The following ARK2C variants were observed in gnomAD, a reference collection of about 807,000 sequenced individuals.
ARK2C encodes the protein E3 ubiquitin-protein ligase ARK2C.
chr18:46,348,714 T>G, the ARK2C span, among the ~76,000 whole-genome samples: 1 of 152,170 alleles, frequency 6.6e-6, no homozygotes, highest in African/African-American at 2.4e-5. Flanking sequence ...AAAAGTTGTT[T>G]CTGCAGAAAG....
At chr18:46,420,640 T>C in the ARK2C span, among the ~76,000 whole-genome samples, 1 of 151,910 alleles carries the variant, frequency 6.6e-6, no homozygotes, top group Non-Finnish European at 1.5e-5. Context: ...AGTTCAGGAG[T>C]TCGAGACCAG....
At chr18:46,433,249 G>A in the ARK2C span, 1 of 1,607,832 alleles carries the variant, frequency 6.2e-7, no homozygotes. Context: ...CTTCCACCTG[G>A]GCCCCCCGCA....
the ARK2C span, among the ~76,000 whole-genome samples, chr18:46,414,871 T>C: frequency 7.2e-3 from 1,097 of 152,334 alleles, 6 homozygotes; most frequent in Non-Finnish European, 9.2e-3. Context: ...ATTTTCATTT[T>C]GTGTCATCAC....
chr18:46,347,547 C>G, the ARK2C span, among the ~76,000 whole-genome samples: 8 of 152,146 alleles, frequency 5.3e-5, no homozygotes, highest in Non-Finnish European at 8.8e-5. Context: ...ACTGGTTCTG[C>G]TCTTTGCAGA....
chr18:46,380,996 G>T, the ARK2C span, among the ~76,000 whole-genome samples: 2 of 152,198 alleles, frequency 1.3e-5, no homozygotes, highest in Non-Finnish European at 2.9e-5. Context: ...TTTGACTCCA[G>T]AGTAGGAACG....
At chr18:46,415,901 T>C in the ARK2C span, among the ~76,000 whole-genome samples, 1 of 151,744 alleles carries the variant, frequency 6.6e-6, no homozygotes, top group South Asian at 2.1e-4. Flanking sequence ...GAGTGCCAGG[T>C]GGGAGGAGAG....
the ARK2C span, among the ~76,000 whole-genome samples, chr18:46,414,119 A>C: frequency 6.6e-6 from 1 of 152,180 alleles, no homozygotes; most frequent in Admixed American, 6.5e-5. Context: ...TAGAGATGGC[A>C]ATATCGTTAT....
At chr18:46,389,741 T>G in the ARK2C span, among the ~76,000 whole-genome samples, 2 of 151,982 alleles carry the variant, frequency 1.3e-5, no homozygotes, top group South Asian at 4.2e-4. Context: ...TTTCCTTTTT[T>G]TTTTTCAGAC....
At chr18:46,379,369 G>T in the ARK2C span, among the ~76,000 whole-genome samples, 1 of 152,112 alleles carries the variant, frequency 6.6e-6, no homozygotes, top group Admixed American at 6.5e-5. Flanking sequence ...GAGACTAAGC[G>T]CTGGTTTCTT....
At chr18:46,374,365 A>C in the ARK2C span, among the ~76,000 whole-genome samples, 1 of 152,130 alleles carries the variant, frequency 6.6e-6, no homozygotes, top group Non-Finnish European at 1.5e-5. Context: ...CATCTCCAGA[A>C]CTTTCTCACC....
chr18:46,409,712 G>A, the ARK2C span, among the ~76,000 whole-genome samples: 1 of 152,140 alleles, frequency 6.6e-6, no homozygotes, highest in Non-Finnish European at 1.5e-5. Flanking sequence ...TGGGTCTTAG[G>A]CTCCCCTTTT....
the ARK2C span, among the ~76,000 whole-genome samples, chr18:46,363,652 C>T: frequency 6.6e-6 from 1 of 152,344 alleles, no homozygotes; most frequent in African/African-American, 2.4e-5. Context: ...TGTCAAGTCA[C>T]AGCCCTGCCC....
chr18:46,334,664 A>G, the ARK2C span: 2 of 429,904 alleles, frequency 4.7e-6, no homozygotes, highest in Non-Finnish European at 8.0e-6. This position sits in a 1 kb window ranked among gnomAD's most constrained non-coding sequence, Gnocchi z 4.4. Flanking sequence ...GGAGAAAGAT[A>G]CATGACCGTG....
At chr18:46,396,900 G>C in the ARK2C span, among the ~76,000 whole-genome samples, 1 of 152,238 alleles carries the variant, frequency 6.6e-6, no homozygotes, top group Non-Finnish European at 1.5e-5. Context: ...TGTCCAACTG[G>C]CTCAGTTCAG....
the ARK2C span, among the ~76,000 whole-genome samples, chr18:46,368,065 G>A: frequency 0.018 from 2,783 of 152,300 alleles, 43 homozygotes; most frequent in Middle Eastern, 0.034. Flanking sequence ...AGAATCTTGG[G>A]TTGGGCTTGA....
chr18:46,385,659 C>G, the ARK2C span: 12 of 152,362 alleles, frequency 7.9e-5, no homozygotes, highest in Admixed American at 6.5e-4. Flanking sequence ...AGCTGTCCCC[C>G]TTTGGAGCAT....
the ARK2C span, among the ~76,000 whole-genome samples, chr18:46,348,917 T>C: frequency 0.012 from 1,735 of 150,812 alleles, 47 homozygotes; most frequent in Admixed American, 0.068. Flanking sequence ...TGTGTGTGTG[T>C]GTGTGTGTGT....
chr18:46,417,740 C>T, the ARK2C span, among the ~76,000 whole-genome samples: 1 of 152,204 alleles, frequency 6.6e-6, no homozygotes, highest in Admixed American at 6.5e-5. Flanking sequence ...CGGTGGCTCA[C>T]GCCTGTAAAT....
At chr18:46,380,048 C>G in the ARK2C span, among the ~76,000 whole-genome samples, 1 of 152,242 alleles carries the variant, frequency 6.6e-6, no homozygotes, top group East Asian at 1.9e-4. Flanking sequence ...TCAAAGTTTC[C>G]CCATCCATGA....
Sources: gnomAD v4.1 joint callset for allele counts (sites outside exome capture counted in the v4.1 genomes callset) on GRCh38, gnomAD v4.1.1 for gene constraint, Gnocchi (gnomAD v3.1) non-coding constraint, MANE v1.5 for transcripts, NCBI Gene and HGNC (gene_info 2026-07-23, HGNC 2026-07-21) for gene names.